SLCO1B1: variants seen among roughly 807,000 people sequenced by gnomAD.
SLCO1B1 encodes OATP-2.
SLCO1B1 carries 81 observed loss-of-function variants against 70.1 expected under a neutral mutation model. The observed-to-expected ratio is 1.16, with a 90% CI of 0.97 to 1.39. The LOEUF is 1.39. Among genes scored for constraint, SLCO1B1 ranks in the 40% most tolerant of loss-of-function variants. The pLI, the probability that SLCO1B1 is intolerant of heterozygous loss-of-function variation, is 0.00. For missense variants in SLCO1B1, 895 were observed against 799.6 expected (o/e 1.12, Z -1.44); for synonymous variants, 283 against 271.5 (o/e 1.04, Z -0.42).
chr12:21,169,420 C>G (rs1456417898), intron 2 of SLCO1B1, among the ~76,000 whole-genome samples: 1 of 151,998 alleles, frequency 6.6e-6, no homozygotes, highest in Non-Finnish European at 1.5e-5. Context: ...CTCTTCTTTT[C>G]TTTTTGCTCC....
intron 7 of SLCO1B1, among the ~76,000 whole-genome samples, chr12:21,186,415 C>T (rs767126823): frequency 4.6e-5 from 7 of 151,222 alleles, no homozygotes; most frequent in Non-Finnish European, 8.9e-5. Flanking sequence ...CAATAAATTG[C>T]GGATTGCAGC....
intron 7 of SLCO1B1, among the ~76,000 whole-genome samples, chr12:21,185,829 T>C (rs1341737259): frequency 6.6e-6 from 1 of 151,892 alleles, no homozygotes; most frequent in Non-Finnish European, 1.5e-5. Context: ...GACTGTTAAC[T>C]AGATTAACAA....
intron 12 of SLCO1B1, among the ~76,000 whole-genome samples, 167 bp downstream of exon 12, chr12:21,217,470 A>C (rs1941372985): frequency 6.6e-6 from 1 of 152,130 alleles, no homozygotes; most frequent in South Asian, 2.1e-4. Context: ...CAAGGCTGTA[A>C]TTAATAATTT....
At position 21,183,850 on chromosome 12, in the gene SLCO1B1, A is replaced by G. The variant is rs548036739; in HGVS notation, c.727+4830A>G. Among the ~76,000 whole-genome samples, 35 of 152,316 alleles carry G rather than the reference A, an allele frequency of 2.3e-4. No homozygotes were observed. In the South Asian group the frequency reaches 4.4e-3, roughly 19 times the overall value. On this transcript the variant is annotated intron_variant, in intron 7 of 14. Coordinates refer to ENST00000256958, the MANE Select transcript of SLCO1B1 (RefSeq NM_006446.5). ...GCTGAAACACAATTTAAGGAATTCA[A>G]TAATTCCAGTAGAATGATCCAAAAG...
At chr12:21,167,813 C>G (rs1591806367) in intron 2 of SLCO1B1, among the ~76,000 whole-genome samples, 1 of 146,660 alleles carries the variant, frequency 6.8e-6, no homozygotes, top group Non-Finnish European at 1.5e-5. Flanking sequence ...TTTTTTCTTT[C>G]TTTTCTTTTT....
At chr12:21,138,747 C>A (rs780271176) in intron 1 of SLCO1B1, among the ~76,000 whole-genome samples, 2 of 118,680 alleles carry the variant, frequency 1.7e-5, no homozygotes, top group Non-Finnish European at 3.6e-5. Flanking sequence ...TGAAGAGGTA[C>A]AATTTGGATC....
chr12:21,162,182 C>G (rs944729254), intron 2 of SLCO1B1, among the ~76,000 whole-genome samples: 3 of 151,702 alleles, frequency 2.0e-5, no homozygotes, highest in African/African-American at 7.3e-5. Flanking sequence ...TGAAGATACA[C>G]TAATATATCC....
rs71043250 is a variant in SLCO1B1, at chr12:21,152,533, C to CTTTT, written c.84+10890_84+10893dup. ...TTGCTAAGGTGTGGGAGAGGAGAGG[C>CTTTT]TTTTTTTTTTTTTTTTTTGCCTCTG... On this transcript the variant is annotated intron_variant, in intron 2 of 14. Transcript: ENST00000256958. 5.2e-4 allele frequency among the ~76,000 whole-genome samples: 18 copies of CTTTT among 34,352 alleles called. 2 individuals are homozygous for CTTTT. The highest frequency in any genetic ancestry group is 1.5e-3 in the African/African-American group (14 of 9,524). 22.5% of individuals were successfully genotyped at this position (34,352 alleles called of 152,430 possible).
chr12:21,144,847 C>T (rs184521602), intron 2 of SLCO1B1, among the ~76,000 whole-genome samples: 14 of 152,228 alleles, frequency 9.2e-5, no homozygotes, highest in Middle Eastern at 3.4e-3. Flanking sequence ...ATATTATTTT[C>T]GGTCAAGCAA....
intron 7 of SLCO1B1, among the ~76,000 whole-genome samples, chr12:21,180,647 T>G (rs564515333): frequency 6.6e-6 from 1 of 152,274 alleles, no homozygotes; most frequent in East Asian, 1.9e-4. Flanking sequence ...GCCAAAAACT[T>G]GAAAGTGTTT....
At chr12:21,182,983 TG>T (rs1340616629) in intron 7 of SLCO1B1, among the ~76,000 whole-genome samples, 1 of 152,144 alleles carries the variant, frequency 6.6e-6, no homozygotes, top group Non-Finnish European at 1.5e-5. Flanking sequence ...ACAAAAGAAA[TG>T]CAAGTGTGGC....
At chr12:21,141,290 C>A (rs1940303904) in intron 1 of SLCO1B1, among the ~76,000 whole-genome samples, 1 of 150,710 alleles carries the variant, frequency 6.6e-6, no homozygotes, top group Non-Finnish European at 1.5e-5. Flanking sequence ...TTTCTCTCCA[C>A]AAATTTATTT....
chr12:21,224,610 A>G, intron 13 of SLCO1B1, 112 bp from the exon 14 acceptor site: 1 of 736,008 alleles, frequency 1.4e-6, no homozygotes, highest in Non-Finnish European at 2.4e-6. Flanking sequence ...TAATAAACGA[A>G]TCCTCCAAAT....
chr12:21,135,075 C>G (rs1371221803), intron 1 of SLCO1B1, among the ~76,000 whole-genome samples: 1 of 152,102 alleles, frequency 6.6e-6, no homozygotes, highest in Non-Finnish European at 1.5e-5. Flanking sequence ...TTATTTATGC[C>G]TTCATTTCAT....
In SLCO1B1 at chr12:21,222,342, C is replaced by A; in HGVS notation, c.1725C>A (p.His575Gln). 3 of 764,614 alleles carry A rather than the reference C, an allele frequency of 3.9e-6. No homozygotes were observed. Among genetic ancestry groups the A allele is most frequent in the East Asian group, 5.2e-5 (1 of 19,376 alleles). 47.4% of individuals were successfully genotyped at this position (764,614 alleles called of 1,614,324 possible). The change falls in exon 13 of 15, where the codon CAC (histidine) becomes CAA (glutamine). Residue 575 changes from histidine (H) to glutamine (Q), a missense_variant. Physicochemically the swap from His to Gln is conservative, Grantham distance 24. Transcript: ENST00000256958. The part of the protein sequence containing the change: ...PELKSLALGF[H>Q]SMVIRALGGI... ...TGAAATCACTTGCACTGGGTTTCCA[C>A]TCAATGGTTATACGAGCACTAGGTA... is the stretch of plus-strand genomic sequence containing the variant.
At chr12:21,154,833 A>G (rs1052374654) in intron 2 of SLCO1B1, among the ~76,000 whole-genome samples, 7 of 152,122 alleles carry the variant, frequency 4.6e-5, no homozygotes, top group Admixed American at 2.0e-4. Flanking sequence ...ATGCTTGAGC[A>G]TATATCTCTT....
chr12:21,216,253 A>G (rs1467680812), intron 11 of SLCO1B1, among the ~76,000 whole-genome samples: 1 of 152,156 alleles, frequency 6.6e-6, no homozygotes, highest in Non-Finnish European at 1.5e-5. Flanking sequence ...TGTTCCATAA[A>G]AAATTCCTCT....
At chr12:21,178,491 ATAAT>A (rs1940849101) in intron 5 of SLCO1B1, 81 bp from the exon 6 acceptor site, 7 of 960,124 alleles carry the variant, frequency 7.3e-6, no homozygotes, top group Admixed American at 4.4e-5. Flanking sequence ...AATAAGTAGA[ATAAT>A]TAAGAGTTTA....
At chr12:21,217,046 A>G in intron 11 of SLCO1B1, 73 bp from the exon 12 acceptor site, 1 of 1,106,830 alleles carries the variant, frequency 9.0e-7, no homozygotes, top group Non-Finnish European at 1.4e-6. Flanking sequence ...TTCACTAAAT[A>G]TAATGCAATG....
Sources: gnomAD v4.1 joint callset for allele counts (sites outside exome capture counted in the v4.1 genomes callset) on GRCh38, gnomAD v4.1.1 for gene constraint, MANE v1.5 for transcripts, NCBI Gene and HGNC (gene_info 2026-07-23, HGNC 2026-07-21) for gene names.